MYO7B: variants seen among roughly 807,000 people sequenced by gnomAD.
MYO7B encodes the protein unconventional myosin-VIIb.
Under a neutral mutation model 259.7 loss-of-function variants are expected in MYO7B, and 212 were observed. The ratio of observed to expected loss-of-function variants is 0.82; its 90% confidence interval spans 0.73 to 0.91. The LOEUF (loss-of-function observed/expected upper bound fraction) is 0.91, where lower values mean the gene tolerates loss of function less well. MYO7B is among the 40% of genes least tolerant of loss of function. The pLI is 0.00. For missense variants in MYO7B, 2,732 were observed against 2,813.5 expected (o/e 0.97, Z 0.66); for synonymous variants, 1,197 against 1,166.4 (o/e 1.03, Z -0.54).
At chr2:127,601,204 A>C (rs1419182027) in intron 19 of MYO7B, among the ~76,000 whole-genome samples, 1 of 152,224 alleles carries the variant, frequency 6.6e-6, no homozygotes, top group Non-Finnish European at 1.5e-5. Flanking sequence ...ATTAAGTTCT[A>C]TTAAGTATGT....
In MYO7B at chr2:127,634,204, T is replaced by G. The variant is rs1573729154; in HGVS notation, c.5540T>G (p.Val1847Gly). Residue 1847 changes from valine to glycine, a missense_variant, in exon 41 of 48, where the codon GTG becomes GGG. Transcript: ENST00000409816. ...CTGGAGGTGGTTGCCAACACACGGG[T>G]GCGGGATGTGTGTGACAGCATTGCC... is the stretch of plus-strand genomic sequence containing the variant. ...EMLEVVANTR[V>G]RDVCDSIATR... 1 of 1,606,298 alleles carries G rather than the reference T, an allele frequency of 6.2e-7. No homozygotes were observed. The highest frequency in any genetic ancestry group is 8.5e-7 in the Non-Finnish European group (1 of 1,177,292).
chr2:127,544,281 A>G (rs1027837773), intron 1 of MYO7B, among the ~76,000 whole-genome samples: 6 of 152,160 alleles, frequency 3.9e-5, no homozygotes, highest in Non-Finnish European at 7.3e-5. Flanking sequence ...ACATTATACT[A>G]TAAAACATAT....
At chr2:127,569,029 G>A (rs927192533) in intron 5 of MYO7B, among the ~76,000 whole-genome samples, 15 of 152,034 alleles carry the variant, frequency 9.9e-5, no homozygotes, top group Admixed American at 9.2e-4. Flanking sequence ...TCAACATGGT[G>A]AAACCTTATC....
In MYO7B at chr2:127,627,150, A is replaced by G; in HGVS notation, c.4334-34A>G. The stretch of plus-strand genomic sequence containing the variant: ...TATGGGCTGGGCACCCAGGGGTCCC[A>G]TGCAGCCTTCACACTGCCGTCTCTC... On this transcript the variant is annotated intron_variant, in intron 32 of 47. Coordinates refer to ENST00000409816, the MANE Select transcript of MYO7B (RefSeq NM_001393586.1). The surrounding 1 kb of genome is among the most constrained non-coding windows in gnomAD (Gnocchi z 5.6). The G allele has an allele frequency of 6.2e-7, 1 of 1,603,958 alleles. No homozygotes were observed. Among genetic ancestry groups the G allele is most frequent in the Non-Finnish European group, 8.5e-7 (1 of 1,175,504 alleles).
rs1429385093 is a variant in MYO7B, at chr2:127,607,870, C to G, written c.2643+446C>G. On this transcript the variant is annotated intron_variant, in intron 21 of 47. Transcript: ENST00000409816. The surrounding 1 kb of genome is among the most constrained non-coding windows in gnomAD (Gnocchi z 4.4). ...GATTTCTGGGGCAGGGATGGTTGGTCCCCTGGAAGGTGCAGCAAAGCTGAG... is the reference window on the plus strand; with the variant it reads ...GATTTCTGGGGCAGGGATGGTTGGTGCCCTGGAAGGTGCAGCAAAGCTGAG... 2.0e-5 allele frequency among the ~76,000 whole-genome samples: 3 copies of G among 152,162 alleles called. No individual in the cohort carries two copies. The highest frequency in any genetic ancestry group is 4.8e-5 in the African/African-American group (2 of 41,428).
chr2:127,633,611 G>A (rs1340003295), intron 40 of MYO7B, among the ~76,000 whole-genome samples: 1 of 152,226 alleles, frequency 6.6e-6, no homozygotes, highest in South Asian at 2.1e-4. Context: ...AGAGGACAGA[G>A]GGGTGGGCAG....
At chr2:127,574,212 A>C (rs1266737105) in intron 7 of MYO7B, 150 bp downstream of exon 7, 4 of 1,067,534 alleles carry the variant, frequency 3.7e-6, no homozygotes, top group Non-Finnish European at 5.4e-6. Context: ...GCCCTTCCCC[A>C]GTATTCCAGG....
rs1180776682 is a variant in MYO7B, at chr2:127,564,224, G to A, written c.90G>A (p.Glu30=). The change falls in exon 3 of 48, where the codon GAG becomes GAA. Residue 30 remains glutamate (E), a synonymous_variant. Coordinates refer to ENST00000409816, the MANE Select transcript of MYO7B (RefSeq NM_001393586.1). ...TGVAIGGIIK[E]AKPGKVLVED... is the part of the protein sequence containing the mutation. ...TGGCCATCGGGGGCATCATCAAAGA[G>A]GCAAAGCCAGGCAAAGTCTTGGTTG... The A allele has an allele frequency of 5.7e-6, 9 of 1,579,708 alleles. No individual in the cohort carries two copies. Among genetic ancestry groups the A allele is most frequent in the Middle Eastern group, 3.3e-4 (2 of 6,058 alleles).
Position 127,609,622 on chromosome 2 carries a change from T to C in MYO7B, c.2931T>C (p.Ala977=), listed in dbSNP as rs762120536. Residue 977 remains alanine, a synonymous_variant, in exon 23 of 48, where the codon GCT becomes GCC. Transcript: ENST00000409816. The surrounding 1 kb of genome is among the most constrained non-coding windows in gnomAD (Gnocchi z 6.9). ...GLAEYTFPKF[A]VTYFQKSASH... Reference sequence around the variant, plus strand: ...CCGAGTACACCTTCCCCAAGTTTGCTGTGACTTACTTCCAGAAATCAGCCA... The same window carrying C: ...CCGAGTACACCTTCCCCAAGTTTGCCGTGACTTACTTCCAGAAATCAGCCA... 3.1e-6 allele frequency: 5 copies of C among 1,613,924 alleles called. No individual in the cohort carries two copies. The East Asian group carries it at 6.7e-5, about 22-fold the overall frequency.
In MYO7B at chr2:127,633,359, G is replaced by T. The variant is rs1276274869; in HGVS notation, c.5507G>T (p.Ser1836Ile). Residue 1836 changes from serine to isoleucine, a missense_variant, in exon 40 of 48, where the codon AGT (serine) becomes ATT (isoleucine). Around this residue, in one of 3 missense-constraint regions of MYO7B, gnomAD observed 821 missense variants for 769.3 expected, o/e 1.07. Transcript: ENST00000409816. Reference protein sequence around the residue: ...CHKIYFPNDTSEMLEVVANTR... With the variant: ...CHKIYFPNDTIEMLEVVANTR... ...AAGATCTACTTCCCCAATGACACCA[G>T]TGAGGTGAGGCCCTGCTCTGGTCTG... is the stretch of plus-strand genomic sequence containing the variant. 1 of 1,612,712 alleles carries T rather than the reference G, an allele frequency of 6.2e-7. No individual in the cohort carries two copies.
At chr2:127,537,743 A>C (rs4507043) in intron 1 of MYO7B, among the ~76,000 whole-genome samples, 58,147 of 151,932 alleles carry the variant, frequency 0.38, 13,585 homozygotes, top group East Asian at 0.57. Context: ...AGGAGAAGGA[A>C]GGATTTGACC....
At chr2:127,582,548 C>T in intron 12 of MYO7B, 102 bp downstream of exon 12, 1 of 1,401,140 alleles carries the variant, frequency 7.1e-7, no homozygotes, top group Non-Finnish European at 9.7e-7. Context: ...ACCCTGCACC[C>T]AGGCCTGGCG....
intron 43 of MYO7B, 37 bp from the exon 44 acceptor site, chr2:127,635,685 C>A (rs781189503): frequency 6.4e-7 from 1 of 1,564,252 alleles, no homozygotes. Flanking sequence ...TGGGCCGCAG[C>A]TGGAGACCCA....
intron 27 of MYO7B, among the ~76,000 whole-genome samples, 179 bp from the exon 28 acceptor site, chr2:127,621,803 G>A (rs1391601590): frequency 6.6e-6 from 1 of 152,228 alleles, no homozygotes; most frequent in Non-Finnish European, 1.5e-5. Flanking sequence ...CGTTTAAAAC[G>A]TGTTGCCAAA....
chr2:127,604,101 C>A (rs574416231), intron 19 of MYO7B, among the ~76,000 whole-genome samples: 1 of 152,316 alleles, frequency 6.6e-6, no homozygotes, highest in South Asian at 2.1e-4. Context: ...CCACTGCACT[C>A]CAGCCTGGGC....
chr2:127,576,731 CCCAGTA>C lies in MYO7B; in HGVS notation c.849+24_849+29del. On this transcript the variant is annotated intron_variant, in intron 8 of 47. Coordinates refer to ENST00000409816, the MANE Select transcript of MYO7B (RefSeq NM_001393586.1). This position sits in a 1 kb window ranked among gnomAD's most constrained non-coding sequence, Gnocchi z 4.9. The stretch of plus-strand genomic sequence containing the variant: ...ATGGTGAGCTGCCCACCTGCCGCCT[CCCAGTA>C]GCCAGTGGAAGGGAGGAAAAAGAGC... 1 of 1,496,624 alleles carries C rather than the reference CCCAGTA, an allele frequency of 6.7e-7. No homozygotes were observed. Among genetic ancestry groups the C allele is most frequent in the Non-Finnish European group, 9.3e-7 (1 of 1,079,030 alleles). The allele number at this position is 1,496,624 out of a possible 1,614,324, so 92.7% of individuals were successfully genotyped here. A position where few individuals can be genotyped will look rare whatever the true frequency, so the allele number is the denominator to read the frequency against.
chr2:127,625,583 G>A lies in MYO7B; in HGVS notation c.4215+48G>A, dbSNP rs748419298. 1.9e-5 allele frequency: 29 copies of A among 1,514,010 alleles called. No homozygotes were observed. The Admixed American group carries it at 6.1e-4, about 32-fold the overall frequency. 93.8% of individuals were successfully genotyped at this position (1,514,010 alleles called of 1,614,324 possible). On this transcript the variant is annotated intron_variant, in intron 31 of 47. Transcript: ENST00000409816. ...CACCCACCCGAGGGCTCTCCTTTGG[G>A]AGGTGGGGGGGCTCATGGTATACAG... is the stretch of plus-strand genomic sequence containing the variant.
chr2:127,632,593 G>C (rs1396362667), intron 39 of MYO7B, among the ~76,000 whole-genome samples, 192 bp downstream of exon 39: 2 of 152,202 alleles, frequency 1.3e-5, no homozygotes, highest in African/African-American at 4.8e-5. Flanking sequence ...GGAGGGTCAA[G>C]AGAAGGCTCA....
At chr2:127,624,032 C>T (rs1353049858) in intron 29 of MYO7B, 61 bp from the exon 30 acceptor site, 14 of 1,439,140 alleles carry the variant, frequency 9.7e-6, no homozygotes, top group South Asian at 3.9e-5. Flanking sequence ...TGACGGTGGG[C>T]GTCCCCGTGG....
Sources: allele counts gnomAD v4.1 joint callset (sites outside exome capture counted in the v4.1 genomes callset), GRCh38; gene constraint gnomAD v4.1.1; regional missense constraint gnomAD v4.1.1; non-coding constraint Gnocchi (gnomAD v3.1); transcripts MANE v1.5; gene names NCBI Gene and HGNC (gene_info 2026-07-23, HGNC 2026-07-21).